The following KNL1 variants were observed in gnomAD, a reference collection of about 807,000 sequenced individuals.
The protein encoded by KNL1 is outer kinetochore KNL1 complex subunit KNL1.
KNL1 carries 66 observed loss-of-function variants against 201.3 expected under a neutral mutation model. The observed-to-expected ratio is 0.33, with a 90% CI of 0.27 to 0.40. KNL1 has a LOEUF of 0.40. KNL1 is among the 10% of genes least tolerant of loss of function. KNL1 has a pLI of 1.00. For missense variants in KNL1, 2,815 were observed against 2,690.5 expected (o/e 1.05, Z -1.02); for synonymous variants, 895 against 899.2 (o/e 1.00, Z 0.08).
At chr15:40,637,154 CT>C (rs1893078111) in intron 13 of KNL1, among the ~76,000 whole-genome samples, 1 of 148,428 alleles carries the variant, frequency 6.7e-6, no homozygotes, top group Admixed American at 6.8e-5. Context: ...CCTTTTCCAT[CT>C]CTCTTTTTCT....
In KNL1 at chr15:40,623,841, A is replaced by T. The variant is rs762592342; in HGVS notation, c.3577A>T (p.Lys1193Ter). ...AGAAAACCCTAAATTTGGAATAGGAAAAGGAAAAAACTTGGGTGTTTCCTT... is the reference window on the plus strand; with the variant it reads ...AGAAAACCCTAAATTTGGAATAGGATAAGGAAAAAACTTGGGTGTTTCCTT... ...LEENPKFGIG[K>*]GKNLGVSFPK... The change falls in exon 10 of 26, where the codon AAA becomes TAA. Residue 1193 changes from lysine to a stop codon, truncating the protein, a stop_gained. Coordinates refer to ENST00000399668, the MANE Select transcript of KNL1 (RefSeq NM_144508.5). LOFTEE classifies it high-confidence loss of function. 6.2e-7 allele frequency: 1 copy of T among 1,613,556 alleles called. No individual in the cohort carries two copies. Among genetic ancestry groups the T allele is most frequent in the Non-Finnish European group, 8.5e-7 (1 of 1,179,820 alleles).
At chr15:40,649,518 C>G (rs1319311058) in intron 17 of KNL1, among the ~76,000 whole-genome samples, 1 of 151,986 alleles carries the variant, frequency 6.6e-6, no homozygotes, top group Non-Finnish European at 1.5e-5. Flanking sequence ...CTGGTCTCAA[C>G]TCCTGGCCTC....
chr15:40,595,329 G>A (rs1566995766), intron 1 of KNL1, among the ~76,000 whole-genome samples: 1 of 152,236 alleles, frequency 6.6e-6, no homozygotes, highest in Admixed American at 6.5e-5. Flanking sequence ...CTAAAGTGGT[G>A]TGGGAGCACG....
intron 17 of KNL1, 43 bp from the exon 18 acceptor site, chr15:40,650,258 C>T: frequency 1.7e-6 from 2 of 1,189,076 alleles, no homozygotes; most frequent in Admixed American, 2.2e-5. Context: ...TCTTTTTTTA[C>T]TATTTTTCAC....
intron 13 of KNL1, among the ~76,000 whole-genome samples, chr15:40,638,947 G>A (rs978099980): frequency 6.6e-6 from 1 of 151,224 alleles, no homozygotes; most frequent in Admixed American, 6.6e-5. Flanking sequence ...GAGTAGCTGG[G>A]ATTACAGGCA....
At chr15:40,616,546 T>C (rs956196082) in intron 8 of KNL1, among the ~76,000 whole-genome samples, 1 of 152,260 alleles carries the variant, frequency 6.6e-6, no homozygotes, top group African/African-American at 2.4e-5. Flanking sequence ...TCTTCCTTTA[T>C]GTCTAATGGC....
Position 40,662,227 on chromosome 15 carries a change from C to G in KNL1, c.*39C>G, listed in dbSNP as rs748641993. ...CATTGGAACAACCAAGCAGAATGTA[C>G]TTGATATTATTTCAGGGTCCCATTG... On this transcript the variant is annotated 3_prime_UTR_variant, in exon 26 of 26. Transcript: ENST00000399668. The G allele has an allele frequency of 1.7e-6, 2 of 1,152,496 alleles. No homozygotes were observed. The highest frequency in any genetic ancestry group is 2.5e-5 in the South Asian group (2 of 80,170). 71.4% of individuals were successfully genotyped at this position (1,152,496 alleles called of 1,614,324 possible). A position where few individuals can be genotyped will look rare whatever the true frequency, so the allele number is the denominator to read the frequency against.
At chr15:40,608,434 A>G (rs1047731368) in intron 4 of KNL1, among the ~76,000 whole-genome samples, 18 of 123,662 alleles carry the variant, frequency 1.5e-4, no homozygotes, top group South Asian at 1.4e-3. Flanking sequence ...ACCGTCTTGG[A>G]AAAAAAAAAA....
chr15:40,630,025 T>C (rs953618687), intron 13 of KNL1, among the ~76,000 whole-genome samples: 8 of 152,122 alleles, frequency 5.3e-5, no homozygotes, highest in Non-Finnish European at 1.5e-5. Flanking sequence ...TGAACAGTTT[T>C]CAAAATCAAA....
In KNL1 at chr15:40,623,479, A is replaced by G; in HGVS notation, c.3215A>G (p.Asn1072Ser). Residue 1072 changes from asparagine (N) to serine (S), a missense_variant, in exon 10 of 26, where the codon AAT (asparagine) becomes AGT (serine). Coordinates refer to ENST00000399668, the MANE Select transcript of KNL1 (RefSeq NM_144508.5). The part of the protein sequence containing the change: ...SQRRKSLKLK[N>S]DKTIVFSENH... ...AGAAGAAAAAGCCTTAAGCTAAAAA[A>G]TGACAAGACCATTGTATTTTCAGAG... 1 of 1,611,946 alleles carries G rather than the reference A, an allele frequency of 6.2e-7. No individual in the cohort carries two copies. Among genetic ancestry groups the G allele is most frequent in the Non-Finnish European group, 8.5e-7 (1 of 1,179,426 alleles).
intron 8 of KNL1, chr15:40,615,752 G>A (rs1892319018): frequency 6.6e-6 from 1 of 151,662 alleles, no homozygotes. Flanking sequence ...GCTCCAAACA[G>A]AGCTTTGTTC....
chr15:40,651,444 T>G (rs755611616), intron 19 of KNL1, 27 bp from the exon 20 acceptor site: 2 of 1,508,840 alleles, frequency 1.3e-6, no homozygotes, highest in Admixed American at 4.2e-5. Flanking sequence ...AAACCTTATC[T>G]CTCTGAATAC....
chr15:40,655,102 A>G (rs1893685160), intron 22 of KNL1, 125 bp downstream of exon 22: 1 of 657,470 alleles, frequency 1.5e-6, no homozygotes, highest in Non-Finnish European at 2.6e-6. Context: ...GTTTGAGACC[A>G]GCCTGACTAA....
chr15:40,650,206 A>G (rs1893512147), intron 17 of KNL1, 95 bp from the exon 18 acceptor site: 8 of 788,734 alleles, frequency 1.0e-5, no homozygotes, highest in African/African-American at 1.8e-5. Context: ...CGTTTAATAA[A>G]TTGTTTTTGA....
At chr15:40,641,760 A>G (rs1350718062) in intron 14 of KNL1, among the ~76,000 whole-genome samples, 2 of 152,250 alleles carry the variant, frequency 1.3e-5, no homozygotes, top group African/African-American at 2.4e-5. Context: ...ATTTCAGATA[A>G]GGGATACTCA....
At chr15:40,629,122 A>G (rs1892831633) in intron 12 of KNL1, 151 bp from the exon 13 acceptor site, 5 of 490,028 alleles carry the variant, frequency 1.0e-5, no homozygotes, top group South Asian at 7.3e-5. Context: ...ATGATCTTAG[A>G]TAAAATCTGC....
At chr15:40,637,258 T>A (rs1011601285) in intron 13 of KNL1, among the ~76,000 whole-genome samples, 1 of 151,598 alleles carries the variant, frequency 6.6e-6, no homozygotes, top group Non-Finnish European at 1.5e-5. Context: ...AGAAACCAGG[T>A]TTTTCTGTAG....
intron 10 of KNL1, among the ~76,000 whole-genome samples, chr15:40,626,935 C>T (rs1419550017): frequency 6.6e-6 from 1 of 152,144 alleles, no homozygotes; most frequent in African/African-American, 2.4e-5. Context: ...TGCTCTGTTG[C>T]CCAGGCTGGA....
intron 17 of KNL1, chr15:40,650,059 A>G (rs1281589922): frequency 3.0e-6 from 1 of 332,860 alleles, no homozygotes; most frequent in Non-Finnish European, 5.5e-6. Context: ...TGAATTGACC[A>G]TGAGTACATG....
Sources: allele counts gnomAD v4.1 joint callset (sites outside exome capture counted in the v4.1 genomes callset), GRCh38; gene constraint gnomAD v4.1.1; transcripts MANE v1.5; gene names NCBI Gene and HGNC (gene_info 2026-07-23, HGNC 2026-07-21).